The following OSCP1 variants were observed in gnomAD, a reference collection of about 807,000 sequenced individuals.
OSCP1 encodes the protein organic solute carrier partner 1.
OSCP1 carries 35 observed loss-of-function variants against 45.1 expected under a neutral mutation model. The observed-to-expected ratio is 0.78, with a 90% CI of 0.59 to 1.03. OSCP1 has a LOEUF of 1.03. OSCP1 is among the 50% of genes least tolerant of loss of function. The pLI, the probability that OSCP1 is intolerant of heterozygous loss-of-function variation, is 0.00. For synonymous variants in OSCP1, 179 were observed against 180.1 expected (o/e 0.99, Z 0.05); for missense variants, 400 against 470.7 (o/e 0.85, Z 1.39).
intron 2 of OSCP1, among the ~76,000 whole-genome samples, chr1:36,434,185 A>C (rs1648559083): frequency 1.3e-5 from 2 of 152,178 alleles, no homozygotes; most frequent in South Asian, 4.1e-4. Context: ...GCAGGATTGA[A>C]ACGATAAACA....
chr1:36,449,172 C>G (rs1284939794), intron 1 of OSCP1, among the ~76,000 whole-genome samples: 1 of 152,178 alleles, frequency 6.6e-6, no homozygotes, highest in Non-Finnish European at 1.5e-5. Context: ...GCCTTTTCAA[C>G]TTTTCCTCCT....
intron 1 of OSCP1, among the ~76,000 whole-genome samples, chr1:36,448,698 T>G (rs937905102): frequency 6.6e-6 from 1 of 152,116 alleles, no homozygotes; most frequent in African/African-American, 2.4e-5. Flanking sequence ...AGGGGAAGAA[T>G]GTAGGGATGG....
intron 2 of OSCP1, among the ~76,000 whole-genome samples, chr1:36,437,290 A>G (rs1648810182): frequency 6.6e-6 from 1 of 151,198 alleles, no homozygotes; most frequent in African/African-American, 2.4e-5. Flanking sequence ...TATTATTATC[A>G]TTATTATTCA....
At chr1:36,437,195 G>C (rs934843241) in intron 2 of OSCP1, among the ~76,000 whole-genome samples, 2 of 151,968 alleles carry the variant, frequency 1.3e-5, no homozygotes, top group African/African-American at 4.8e-5. Context: ...CTCCCTGAGG[G>C]CAGAGTATCT....
rs765420878 is a variant in OSCP1, at chr1:36,432,445, C to T, written c.412G>A (p.Glu138Lys). 9.3e-6 allele frequency: 15 copies of T among 1,613,964 alleles called. No individual in the cohort carries two copies. In the Admixed American group the frequency reaches 1.0e-4, roughly 11 times the overall value. The part of the protein sequence containing the change: ...DSPTILQQVD[E>K]TLRQLTEIYG... ...ACTTCTGTCAGCTGCCGCAAAGTCT[C>T]GTCCACTTGCTGCAGGATGGTTGGG... Residue 138 changes from glutamate to lysine, a missense_variant, in exon 3 of 10, where the codon GAG becomes AAG. Coordinates refer to ENST00000235532, the MANE Select transcript of OSCP1 (RefSeq NM_145047.5).
At chr1:36,432,292 A>G in intron 3 of OSCP1, 130 bp downstream of exon 3, 2 of 1,127,414 alleles carry the variant, frequency 1.8e-6, no homozygotes. Flanking sequence ...TGCTTTTCAG[A>G]ATGTTCTGGG....
At chr1:36,441,478 G>A (rs918597855) in intron 1 of OSCP1, among the ~76,000 whole-genome samples, 3 of 152,062 alleles carry the variant, frequency 2.0e-5, no homozygotes, top group Admixed American at 2.0e-4. Flanking sequence ...TACGGGCGCG[G>A]TGGCTCACGC....
At chr1:36,442,337 G>A (rs752888340) in intron 1 of OSCP1, among the ~76,000 whole-genome samples, 2 of 152,076 alleles carry the variant, frequency 1.3e-5, no homozygotes, top group African/African-American at 2.4e-5. Context: ...CCTGGGTTCA[G>A]ATTATGAAGC....
Position 36,428,471 on chromosome 1 carries a change from T to A in OSCP1, c.516+3331A>T, listed in dbSNP as rs146088740. 13 of 1,613,238 alleles carry A rather than the reference T, an allele frequency of 8.1e-6. No homozygotes were observed. In the African/African-American group the frequency reaches 1.6e-4, roughly 20 times the overall value. On this transcript the variant is annotated intron_variant, in intron 4 of 9. Coordinates refer to ENST00000235532, the MANE Select transcript of OSCP1 (RefSeq NM_145047.5). ...TTCTTGCATATGCTTCCAGAAGCAC[T>A]CTCTCTGTATATGCACAAACAAATA...
chr1:36,426,769 G>A (rs181776780), intron 4 of OSCP1, among the ~76,000 whole-genome samples: 59 of 152,230 alleles, frequency 3.9e-4, no homozygotes, highest in African/African-American at 1.3e-3. Flanking sequence ...GCAGTGGTGC[G>A]ATCTCGGCTC....
chr1:36,437,409 G>T (rs777023002), intron 2 of OSCP1, among the ~76,000 whole-genome samples: 1 of 152,144 alleles, frequency 6.6e-6, no homozygotes, highest in African/African-American at 2.4e-5. Context: ...GACTGTTTTT[G>T]AACTTGCTCT....
chr1:36,418,218 C>G lies in OSCP1; in HGVS notation c.1061G>C (p.Gly354Ala). The change falls in exon 10 of 10, where the codon GGG becomes GCG. Residue 354 changes from glycine (G) to alanine (A), a missense_variant. Physicochemically the swap from Gly to Ala is moderately conservative, Grantham distance 60. Coordinates refer to ENST00000235532, the MANE Select transcript of OSCP1 (RefSeq NM_145047.5). Reference sequence around the variant, plus strand: ...TGGCTGCTCCGTGATCTCAAACTCCCCCATGATTCGAGCCAGCTCCTCGCT... The same window carrying G: ...TGGCTGCTCCGTGATCTCAAACTCCGCCATGATTCGAGCCAGCTCCTCGCT... ...QRSEELARIM[G>A]EFEITEQPRL... is the part of the protein sequence containing the mutation. 1 of 1,614,208 alleles carries G rather than the reference C, an allele frequency of 6.2e-7. No homozygotes were observed. Among genetic ancestry groups the G allele is most frequent in the East Asian group, 2.2e-5 (1 of 44,876 alleles).
intron 2 of OSCP1, among the ~76,000 whole-genome samples, 170 bp from the exon 3 acceptor site, chr1:36,432,759 G>A (rs12566128): frequency 0.1 from 15,543 of 152,178 alleles, 938 homozygotes; most frequent in East Asian, 0.29. Context: ...TGAGAGTCAA[G>A]GCGGGTGCTT....
intron 1 of OSCP1, among the ~76,000 whole-genome samples, chr1:36,441,466 C>T (rs57328962): frequency 0.1 from 15,621 of 151,890 alleles, 950 homozygotes; most frequent in East Asian, 0.29. Flanking sequence ...ATTTAATTAG[C>T]GTACGGGCGC....
In OSCP1 at chr1:36,447,248, T is replaced by C. The variant is rs761130089; in HGVS notation, c.112+3010A>G. Among the ~76,000 whole-genome samples the C allele has an allele frequency of 6.6e-6, 1 of 152,222 alleles. No individual in the cohort carries two copies. Among genetic ancestry groups the C allele is most frequent in the Non-Finnish European group, 1.5e-5 (1 of 68,038 alleles). ...GAAGACATGAGTATTTCTCAGCCCG[T>C]TGAATCCTATGCTCTCTACCCTGTT... On this transcript the variant is annotated intron_variant, in intron 1 of 9. Transcript: ENST00000235532. This position sits in a 1 kb window ranked among gnomAD's most constrained non-coding sequence, Gnocchi z 4.1.
intron 4 of OSCP1, among the ~76,000 whole-genome samples, chr1:36,430,611 A>T (rs1301790195): frequency 6.6e-6 from 1 of 152,110 alleles, no homozygotes; most frequent in Non-Finnish European, 1.5e-5. Flanking sequence ...CTCAAAAAAA[A>T]AGGAAAAGAG....
intron 8 of OSCP1, 123 bp downstream of exon 8, chr1:36,420,353 G>T: frequency 1.7e-6 from 2 of 1,169,068 alleles, no homozygotes; most frequent in South Asian, 1.6e-5. Flanking sequence ...TAAATTTGTT[G>T]GTATTTTATT....
At chr1:36,433,758 C>T (rs1648531454) in intron 2 of OSCP1, among the ~76,000 whole-genome samples, 1 of 152,098 alleles carries the variant, frequency 6.6e-6, no homozygotes, top group Admixed American at 6.5e-5. Flanking sequence ...CTGACATGAT[C>T]AAAGTGGTGA....
At chr1:36,429,792 G>A (rs1648237422) in intron 4 of OSCP1, among the ~76,000 whole-genome samples, 1 of 150,816 alleles carries the variant, frequency 6.6e-6, no homozygotes, top group South Asian at 2.1e-4. Flanking sequence ...TCTCAGCCCA[G>A]GCTGGAGCAC....
Sources: gnomAD v4.1 joint callset for allele counts (sites outside exome capture counted in the v4.1 genomes callset) on GRCh38, gnomAD v4.1.1 for gene constraint, Gnocchi (gnomAD v3.1) non-coding constraint, MANE v1.5 for transcripts, NCBI Gene and HGNC (gene_info 2026-07-23, HGNC 2026-07-21) for gene names.